TENM4: variants seen among roughly 807,000 people sequenced by gnomAD.
TENM4 encodes teneurin-4.
TENM4 carries 82 observed loss-of-function variants against 243.3 expected under a neutral mutation model. The ratio of observed to expected loss-of-function variants is 0.34; its 90% CI spans 0.28 to 0.40. The LOEUF (loss-of-function observed/expected upper bound fraction) is 0.40, where lower values mean the gene tolerates loss of function less well. TENM4 is among the 10% of genes least tolerant of loss of function. The probability of loss-of-function intolerance (pLI) is 1.00; values close to 1 mark genes in which losing one functional copy is unlikely to be tolerated. For synonymous variants in TENM4, 1,412 were observed against 1,456.3 expected (o/e 0.97, Z 0.69); for missense variants, 3,138 against 3,673.3 (o/e 0.85, Z 3.77).
chr11:79,085,082 G>GT (rs558953766), intron 4 of TENM4, among the ~76,000 whole-genome samples: 36 of 151,902 alleles, frequency 2.4e-4, no homozygotes, highest in Non-Finnish European at 4.3e-4. Flanking sequence ...AGAGAAAAGG[G>GT]TTTTTTTTGG....
At chr11:79,159,602 G>C (rs1462911160) in intron 3 of TENM4, among the ~76,000 whole-genome samples, 1 of 152,074 alleles carries the variant, frequency 6.6e-6, no homozygotes, top group Non-Finnish European at 1.5e-5. Context: ...GACTCTTCCA[G>C]CTTTGCCCGC....
chr11:79,272,648 C>T (rs962436351), intron 2 of TENM4, among the ~76,000 whole-genome samples: 1 of 152,038 alleles, frequency 6.6e-6, no homozygotes, highest in Non-Finnish European at 1.5e-5. Flanking sequence ...CCAAGCCACA[C>T]ACACTCTGGC....
intron 1 of TENM4, among the ~76,000 whole-genome samples, chr11:79,387,534 G>A (rs868143741): frequency 5.3e-5 from 8 of 152,160 alleles, no homozygotes; most frequent in African/African-American, 1.7e-4. Context: ...ATATTGCAAG[G>A]TTGTTGCAGG....
At position 79,298,431 on chromosome 11, in the gene TENM4, C is replaced by G. The variant is rs1031418543; in HGVS notation, c.-320-888G>C. 2.8e-5 allele frequency among the ~76,000 whole-genome samples: 4 copies of G among 144,336 alleles called. No homozygotes were observed. The South Asian group carries it at 6.9e-4, about 25-fold the overall frequency. The allele number at this position is 144,336 out of a possible 152,430, so 94.7% of individuals were successfully genotyped here. A position where few individuals can be genotyped will look rare whatever the true frequency, so the allele number is the denominator to read the frequency against. ...TCGGGAGGCTGAGGCAGGAGAATGG[C>G]GTGAACCCGGGAAGCGGAGCTTGCA... On this transcript the variant is annotated intron_variant, in intron 1 of 33. Coordinates refer to ENST00000278550, the MANE Select transcript of TENM4 (RefSeq NM_001098816.3).
chr11:79,230,958 CTGTCAG>C, intron 2 of TENM4, among the ~76,000 whole-genome samples: 1 of 152,290 alleles, frequency 6.6e-6, no homozygotes, highest in African/African-American at 2.4e-5. Context: ...TTGGATGTTT[CTGTCAG>C]CCCACCGGAC....
At chr11:78,972,421 G>T (rs759129530) in intron 6 of TENM4, among the ~76,000 whole-genome samples, 3 of 152,008 alleles carry the variant, frequency 2.0e-5, no homozygotes, top group Admixed American at 2.0e-4. Context: ...TCTCAGGCTC[G>T]TCATTTGATC....
chr11:79,332,451 A>G (rs1857075884), intron 1 of TENM4, among the ~76,000 whole-genome samples: 1 of 152,132 alleles, frequency 6.6e-6, no homozygotes, highest in Non-Finnish European at 1.5e-5. Context: ...TTTGTAATTA[A>G]GTTGAACAAC....
At chr11:79,339,588 C>T (rs920543275) in intron 1 of TENM4, among the ~76,000 whole-genome samples, 3 of 69,336 alleles carry the variant, frequency 4.3e-5, no homozygotes, top group African/African-American at 1.2e-4. Flanking sequence ...CCTTATTATG[C>T]CCATTTTACA....
At chr11:79,424,265 A>C (rs1859001518) in intron 1 of TENM4, among the ~76,000 whole-genome samples, 2 of 152,140 alleles carry the variant, frequency 1.3e-5, no homozygotes, top group African/African-American at 2.4e-5. Context: ...AACATCCGTG[A>C]TTCACAGAAC....
chr11:79,437,948 C>T (rs1859312602), intron 1 of TENM4, among the ~76,000 whole-genome samples: 1 of 152,208 alleles, frequency 6.6e-6, no homozygotes, highest in South Asian at 2.1e-4. Context: ...CGAGCACTGG[C>T]TTTTCAATCG....
intron 6 of TENM4, among the ~76,000 whole-genome samples, chr11:78,970,969 T>G (rs759905105): frequency 1.3e-5 from 2 of 152,106 alleles, no homozygotes; most frequent in Non-Finnish European, 2.9e-5. Flanking sequence ...TCTTCAAAAT[T>G]TTCTATAATT....
intron 28 of TENM4, among the ~76,000 whole-genome samples, chr11:78,695,713 T>C (rs1783945): frequency 4.6e-5 from 7 of 152,090 alleles, no homozygotes; most frequent in Admixed American, 1.3e-4. Context: ...TCTTCTGGCT[T>C]GCACAGTTTC....
intron 1 of TENM4, among the ~76,000 whole-genome samples, chr11:79,401,123 G>A (rs1858451859): frequency 6.6e-6 from 1 of 152,188 alleles, no homozygotes; most frequent in South Asian, 2.1e-4. Context: ...ATAATACAAG[G>A]GATCCATGGA....
intron 24 of TENM4, among the ~76,000 whole-genome samples, chr11:78,721,464 C>G (rs188674666): frequency 2.0e-5 from 3 of 152,316 alleles, no homozygotes; most frequent in Middle Eastern, 6.8e-3. Context: ...AGGAACTTAA[C>G]AAGGCATTAA....
At position 79,317,431 on chromosome 11, in the gene TENM4, G is replaced by T. The variant is rs1856820935; in HGVS notation, c.-320-19888C>A. ...GCAGACAGGCTATCTAATTTTTAGG[G>T]CCCTGTTAAGTTCCTCGGAACCCTA... On this transcript the variant is annotated intron_variant, in intron 1 of 33. Transcript: ENST00000278550. Among the ~76,000 whole-genome samples, 4 of 152,110 alleles carry T rather than the reference G, an allele frequency of 2.6e-5. No homozygotes were observed. In the South Asian group the frequency reaches 8.3e-4, roughly 32 times the overall value.
At chr11:79,268,188 CTT>C (rs1855911775) in intron 2 of TENM4, among the ~76,000 whole-genome samples, 1 of 152,192 alleles carries the variant, frequency 6.6e-6, no homozygotes, top group African/African-American at 2.4e-5. Context: ...AGTCAACAAA[CTT>C]TTCCCTAAAG....
intron 12 of TENM4, among the ~76,000 whole-genome samples, chr11:78,840,825 T>C (rs1357710450): frequency 1.3e-5 from 2 of 152,192 alleles, no homozygotes; most frequent in Non-Finnish European, 2.9e-5. Flanking sequence ...TAGAGCATGA[T>C]TCTTCAGGCA....
intron 4 of TENM4, among the ~76,000 whole-genome samples, chr11:79,113,559 C>T (rs919729426): frequency 6.6e-6 from 1 of 151,964 alleles, no homozygotes; most frequent in African/African-American, 2.4e-5. Flanking sequence ...ACCGAGAAAG[C>T]AACATTAAGC....
chr11:79,317,112 G>A (rs1408277685), intron 1 of TENM4, among the ~76,000 whole-genome samples: 2 of 152,180 alleles, frequency 1.3e-5, no homozygotes, highest in Non-Finnish European at 2.9e-5. Flanking sequence ...TTTCTTCCAG[G>A]CTAGCAGTTT....
Sources: gnomAD v4.1 joint callset for allele counts (sites outside exome capture counted in the v4.1 genomes callset) on GRCh38, gnomAD v4.1.1 for gene constraint, MANE v1.5 for transcripts, NCBI Gene and HGNC (gene_info 2026-07-23, HGNC 2026-07-21) for gene names.